ALPK1: variants seen among roughly 807,000 people sequenced by gnomAD.
ALPK1 encodes the protein alpha kinase 1.
A neutral mutation model predicts 120.6 loss-of-function variants in ALPK1; 110 were observed. The observed-to-expected ratio is 0.91, with a 90% CI of 0.78 to 1.07. ALPK1 has a LOEUF of 1.07. Ranked by LOEUF, ALPK1 falls within the 50% of genes least tolerant of loss-of-function variation. ALPK1 has a pLI of 0.00. For synonymous variants in ALPK1, 582 were observed against 560.3 expected, an observed-to-expected ratio of 1.04 and a Z score of -0.55; for missense variants, 1,498 against 1,483.9, an observed-to-expected ratio of 1.01 and a Z score of -0.16.
At chr4:112,322,765 AG>A (rs1178623230) in intron 2 of ALPK1, among the ~76,000 whole-genome samples, 16 of 152,378 alleles carry the variant, frequency 1.1e-4, no homozygotes, top group African/African-American at 3.8e-4. Flanking sequence ...AAATTGAAAT[AG>A]GACTCAAGAA....
intron 1 of ALPK1, among the ~76,000 whole-genome samples, chr4:112,298,738 G>A (rs1192778381): frequency 6.6e-6 from 1 of 152,154 alleles, no homozygotes; most frequent in South Asian, 2.1e-4. Flanking sequence ...GAGCTTTGCT[G>A]ATGTGTTAAG....
chr4:112,388,958 A>G (rs1384924162), intron 4 of ALPK1, among the ~76,000 whole-genome samples: 1 of 152,072 alleles, frequency 6.6e-6, no homozygotes, highest in Non-Finnish European at 1.5e-5. Flanking sequence ...CAGAGAAGTA[A>G]CTTTTCAAAG....
At chr4:112,359,089 C>A (rs563204001) in intron 2 of ALPK1, 4 of 738,228 alleles carry the variant, frequency 5.4e-6, no homozygotes, top group Admixed American at 3.5e-5. Flanking sequence ...GGAAGGACAG[C>A]GCCGGATCCC....
chr4:112,393,615 G>A (rs1167665926), intron 4 of ALPK1, among the ~76,000 whole-genome samples: 1 of 152,170 alleles, frequency 6.6e-6, no homozygotes, highest in Non-Finnish European at 1.5e-5. Flanking sequence ...GAAAGAAGAA[G>A]GATTGTTAAA....
rs1345114020 is a variant in ALPK1, at chr4:112,440,820, T to C, written c.3539-97T>C. On this transcript the variant is annotated intron_variant, in intron 14 of 15. Coordinates refer to ENST00000650871, the MANE Select transcript of ALPK1 (RefSeq NM_025144.4). Reference sequence around the variant, plus strand: ...TTTGAATTATCTCTTTAAGTGTGTGTGTGTGTGTGTGTGTGTGTGTGTGTA... The same window carrying C: ...TTTGAATTATCTCTTTAAGTGTGTGCGTGTGTGTGTGTGTGTGTGTGTGTA... 2.7e-6 allele frequency: 4 copies of C among 1,488,346 alleles called. No homozygotes were observed. The East Asian group carries it at 7.0e-5, about 26-fold the overall frequency. The allele number at this position is 1,488,346 out of a possible 1,614,324, so 92.2% of individuals were successfully genotyped here. A position where few individuals can be genotyped will look rare whatever the true frequency, so the allele number is the denominator to read the frequency against.
intron 2 of ALPK1, among the ~76,000 whole-genome samples, chr4:112,351,989 T>C (rs1730381308): frequency 6.6e-6 from 1 of 152,206 alleles, no homozygotes; most frequent in Non-Finnish European, 1.5e-5. Context: ...CACTTGTCCA[T>C]CCAGCAATTC....
At chr4:112,324,072 A>G (rs1055021508) in intron 2 of ALPK1, among the ~76,000 whole-genome samples, 1 of 152,072 alleles carries the variant, frequency 6.6e-6, no homozygotes, top group East Asian at 1.9e-4. Flanking sequence ...TCATGCCTGT[A>G]ATCCCAGCAC....
At chr4:112,382,686 C>A in intron 4 of ALPK1, 134 bp downstream of exon 4, 1 of 1,259,192 alleles carries the variant, frequency 7.9e-7, no homozygotes, top group Non-Finnish European at 1.1e-6. Context: ...GCCAGATTGA[C>A]TAATGTGAGG....
At chr4:112,372,464 C>T (rs893493815) in intron 2 of ALPK1, among the ~76,000 whole-genome samples, 6 of 152,154 alleles carry the variant, frequency 3.9e-5, no homozygotes, top group Middle Eastern at 3.2e-3. Flanking sequence ...CTGCATTGGC[C>T]TCCCAAAGTG....
At chr4:112,404,337 C>G (rs1733069632) in intron 4 of ALPK1, among the ~76,000 whole-genome samples, 1 of 152,088 alleles carries the variant, frequency 6.6e-6, no homozygotes, top group African/African-American at 2.4e-5. Flanking sequence ...TCATGGTGTT[C>G]CATGTCATTT....
At chr4:112,437,280 CAAAAT>C (rs1332522834) in intron 12 of ALPK1, among the ~76,000 whole-genome samples, 1 of 137,218 alleles carries the variant, frequency 7.3e-6, no homozygotes, top group Non-Finnish European at 1.7e-5. Flanking sequence ...TGGAGGAAGA[CAAAAT>C]AAAGACATTT....
At position 112,377,750 on chromosome 4, in the gene ALPK1, C is replaced by T; in HGVS notation, c.-28C>T. The T allele has an allele frequency of 1.3e-6, 2 of 1,595,110 alleles. No homozygotes were observed. Among genetic ancestry groups the T allele is most frequent in the Non-Finnish European group, 1.7e-6 (2 of 1,166,596 alleles). ...CCTAGGTAATTGATCACCCTAGACC[C>T]AGGGACACCCAATTCATCGTAATCA... On this transcript the variant is annotated 5_prime_UTR_variant, in exon 3 of 16. Coordinates refer to ENST00000650871, the MANE Select transcript of ALPK1 (RefSeq NM_025144.4).
chr4:112,431,244 A>G lies in ALPK1; in HGVS notation c.1697A>G (p.Glu566Gly). 1 of 1,614,162 alleles carries G rather than the reference A, an allele frequency of 6.2e-7. No individual in the cohort carries two copies. Among genetic ancestry groups the G allele is most frequent in the Non-Finnish European group, 8.5e-7 (1 of 1,180,022 alleles). Residue 566 changes from glutamate to glycine, a missense_variant, in exon 11 of 16, where the codon GAG (glutamate) becomes GGG (glycine). Transcript: ENST00000650871. ...GAGCCATCGGACTACAGCAATGGTG[A>G]GGGAGCTGTTTTCAACAAGTCTCTG... ...ETEPSDYSNGEGAVFNKSLSG... is the reference protein window; with the variant it reads ...ETEPSDYSNGGGAVFNKSLSG...
At chr4:112,341,342 C>A (rs952572685) in intron 2 of ALPK1, among the ~76,000 whole-genome samples, 2 of 152,202 alleles carry the variant, frequency 1.3e-5, no homozygotes, top group African/African-American at 2.4e-5. Context: ...GCCTTGCCTT[C>A]CTGACAATTT....
chr4:112,378,012 A>T, intron 3 of ALPK1, 114 bp downstream of exon 3: 1 of 1,202,170 alleles, frequency 8.3e-7, no homozygotes, highest in Non-Finnish European at 1.1e-6. Context: ...GCAGATGACC[A>T]CCGAGAGATG....
intron 1 of ALPK1, among the ~76,000 whole-genome samples, chr4:112,313,888 T>A (rs1364565395): frequency 6.6e-6 from 1 of 152,188 alleles, no homozygotes; most frequent in Non-Finnish European, 1.5e-5. Context: ...GTAGAGACAA[T>A]TCTTTCAGGG....
At position 112,415,112 on chromosome 4, in the gene ALPK1, A is replaced by G. The variant is rs550956390; in HGVS notation, c.475+3087A>G. The G allele has an allele frequency of 4.6e-5, 7 of 152,308 alleles. No homozygotes were observed. In the South Asian group the frequency reaches 1.2e-3, roughly 27 times the overall value. The allele number at this position is 152,308 out of a possible 1,614,324, so 9.4% of individuals were successfully genotyped here. A position where few individuals can be genotyped will look rare whatever the true frequency, so the allele number is the denominator to read the frequency against. On this transcript the variant is annotated intron_variant, in intron 5 of 15. Transcript: ENST00000650871. ...ATGGAGGGGAAAAAAACTCTCATCT[A>G]AAATAAAGGTCTCAACTCTGTGCCG...
Position 112,431,659 on chromosome 4 carries a change from G to A in ALPK1, c.2112G>A (p.Met704Ile). Residue 704 changes from methionine to isoleucine, a missense_variant, in exon 11 of 16, where the codon ATG (methionine) becomes ATA (isoleucine). Physicochemically the swap from Met to Ile is conservative, Grantham distance 10. Transcript: ENST00000650871. Reference sequence around the variant, plus strand: ...AAGGTATCCAGGAAGTCAGAAATATGGGACCCAGAAATACTTCTGCTCACT... The same window carrying A: ...AAGGTATCCAGGAAGTCAGAAATATAGGACCCAGAAATACTTCTGCTCACT... ...APEGIQEVRN[M>I]GPRNTSAHSR... 1 of 1,614,148 alleles carries A rather than the reference G, an allele frequency of 6.2e-7. No homozygotes were observed. Among genetic ancestry groups the A allele is most frequent in the East Asian group, 2.2e-5 (1 of 44,886 alleles).
At position 112,441,491 on chromosome 4, in the gene ALPK1, G is replaced by A. The variant is rs1452333170; in HGVS notation, c.*281G>A. The A allele has an allele frequency of 2.2e-6, 1 of 445,582 alleles. No homozygotes were observed. The highest frequency in any genetic ancestry group is 4.0e-6 in the Non-Finnish European group (1 of 249,632). The allele number at this position is 445,582 out of a possible 1,614,324, so 27.6% of individuals were successfully genotyped here. On this transcript the variant is annotated 3_prime_UTR_variant, in exon 16 of 16. Coordinates refer to ENST00000650871, the MANE Select transcript of ALPK1 (RefSeq NM_025144.4). ...CTTGAGAAAGGCATGTGTTGTTTAA[G>A]CCATTGAGATTTTAGAGCTTTTTGT...
Sources: allele counts gnomAD v4.1 joint callset (sites outside exome capture counted in the v4.1 genomes callset), GRCh38; gene constraint gnomAD v4.1.1; transcripts MANE v1.5; gene names NCBI Gene and HGNC (gene_info 2026-07-23, HGNC 2026-07-21).